ANKRD6: variants seen among roughly 807,000 people sequenced by gnomAD.
ANKRD6 encodes the protein ankyrin repeat domain 6.
Under a neutral mutation model 82.3 loss-of-function variants are expected in ANKRD6, and 56 were observed. The observed-to-expected ratio is 0.68, with a 90% CI of 0.55 to 0.85. ANKRD6 has a LOEUF of 0.85. Among genes scored for constraint, ANKRD6 ranks in the 40% least tolerant of loss-of-function variants. The pLI is 0.00. For synonymous variants in ANKRD6, 347 were observed against 352.1 expected (o/e 0.99, Z 0.16); for missense variants, 852 against 907.6 (o/e 0.94, Z 0.79).
intron 2 of ANKRD6, among the ~76,000 whole-genome samples, chr6:89,567,916 A>C (rs1340809723): frequency 1.3e-5 from 2 of 152,178 alleles, no homozygotes; most frequent in Non-Finnish European, 2.9e-5. Flanking sequence ...CCCCAGAAAG[A>C]GCTGTGAAGA....
At chr6:89,529,881 G>T (rs1344504302) in intron 1 of ANKRD6, among the ~76,000 whole-genome samples, 1 of 152,116 alleles carries the variant, frequency 6.6e-6, no homozygotes, top group African/African-American at 2.4e-5. Flanking sequence ...ATGTGGTGTG[G>T]TTCAGGGTAC....
intron 2 of ANKRD6, among the ~76,000 whole-genome samples, chr6:89,576,049 C>T (rs1791038535): frequency 6.6e-6 from 1 of 151,804 alleles, no homozygotes; most frequent in Non-Finnish European, 1.5e-5. Context: ...ATTTGCACAA[C>T]TTTCTTTCTT....
chr6:89,566,605 C>A (rs1292377990), intron 1 of ANKRD6, among the ~76,000 whole-genome samples: 2 of 152,210 alleles, frequency 1.3e-5, no homozygotes, highest in Admixed American at 1.3e-4. Flanking sequence ...CGGAGGATGT[C>A]CCTGATAGGG....
At chr6:89,625,492 G>A (rs1805336820) in intron 13 of ANKRD6, among the ~76,000 whole-genome samples, 2 of 152,012 alleles carry the variant, frequency 1.3e-5, no homozygotes, top group African/African-American at 4.8e-5. Context: ...TATAATCCCT[G>A]TAGTCAGCCA....
At chr6:89,622,072 A>C (rs1422102962) in intron 10 of ANKRD6, 46 bp downstream of exon 10, 11 of 1,558,346 alleles carry the variant, frequency 7.1e-6, no homozygotes, top group African/African-American at 6.8e-5. Context: ...CCATGCTCAG[A>C]GGGTGGGAAA....
chr6:89,587,732 T>C (rs796359307), intron 2 of ANKRD6, among the ~76,000 whole-genome samples: 2 of 152,230 alleles, frequency 1.3e-5, no homozygotes, highest in East Asian at 3.8e-4. Flanking sequence ...GAGATTGTTT[T>C]GGATCCTGAT....
intron 1 of ANKRD6, among the ~76,000 whole-genome samples, chr6:89,536,814 T>A (rs1391802778): frequency 6.6e-6 from 1 of 152,204 alleles, no homozygotes; most frequent in Non-Finnish European, 1.5e-5. Flanking sequence ...TTGCCTTCTT[T>A]TACCTTCATG....
At chr6:89,513,335 A>C (rs761949730) in intron 1 of ANKRD6, among the ~76,000 whole-genome samples, 2 of 152,218 alleles carry the variant, frequency 1.3e-5, no homozygotes, top group African/African-American at 2.4e-5. Context: ...CAAATCAGGA[A>C]ATTGAATACT....
chr6:89,560,834 A>G (rs1010742792), intron 1 of ANKRD6: 2 of 152,362 alleles, frequency 1.3e-5, no homozygotes, highest in African/African-American at 4.8e-5. Context: ...CCAAAAAAAA[A>G]GAAAAAAGAA....
At chr6:89,580,406 T>C (rs1177661683) in intron 2 of ANKRD6, among the ~76,000 whole-genome samples, 1 of 152,146 alleles carries the variant, frequency 6.6e-6, no homozygotes, top group African/African-American at 2.4e-5. Flanking sequence ...AAGAGTTCAA[T>C]TGTAGTAAAG....
At chr6:89,588,791 A>C (rs1794287447) in intron 2 of ANKRD6, among the ~76,000 whole-genome samples, 1 of 152,014 alleles carries the variant, frequency 6.6e-6, no homozygotes, top group Admixed American at 6.6e-5. Context: ...GGATCACCTG[A>C]GGTCAGGAGT....
intron 1 of ANKRD6, among the ~76,000 whole-genome samples, chr6:89,515,792 C>A (rs1781138925): frequency 6.6e-6 from 1 of 152,220 alleles, no homozygotes; most frequent in African/African-American, 2.4e-5. Context: ...AGGGTAGGAT[C>A]TGGAGAGAAG....
intron 1 of ANKRD6, among the ~76,000 whole-genome samples, chr6:89,438,891 C>T (rs1327518686): frequency 1.3e-5 from 2 of 152,212 alleles, no homozygotes; most frequent in Non-Finnish European, 2.9e-5. Context: ...GATCCGCCGG[C>T]CTCGGCCTCC....
intron 1 of ANKRD6, among the ~76,000 whole-genome samples, chr6:89,455,899 T>G (rs1227953465): frequency 6.6e-6 from 1 of 151,948 alleles, no homozygotes; most frequent in Non-Finnish European, 1.5e-5. Context: ...TTTTCTGAGA[T>G]GGAATCTTGC....
intron 4 of ANKRD6, among the ~76,000 whole-genome samples, chr6:89,603,644 T>A (rs532782994): frequency 6.6e-6 from 1 of 152,228 alleles, no homozygotes; most frequent in South Asian, 2.1e-4. Flanking sequence ...CTTTCTTAGA[T>A]AAGTGAGCAA....
At chr6:89,629,589 C>T (rs1563174893) in intron 15 of ANKRD6, 4 of 318,280 alleles carry the variant, frequency 1.3e-5, no homozygotes, top group Non-Finnish European at 2.4e-5. Flanking sequence ...CCTCCCTTGC[C>T]TTTTGTGCCT....
chr6:89,498,099 A>C (rs540757879), intron 1 of ANKRD6, among the ~76,000 whole-genome samples: 4 of 152,218 alleles, frequency 2.6e-5, no homozygotes, highest in Non-Finnish European at 5.9e-5. Flanking sequence ...AATTGTGGCA[A>C]ATTTCACAAT....
intron 1 of ANKRD6, among the ~76,000 whole-genome samples, chr6:89,520,363 G>A (rs1781747829): frequency 6.6e-6 from 1 of 152,208 alleles, no homozygotes; most frequent in Non-Finnish European, 1.5e-5. Flanking sequence ...TCATCAGGCA[G>A]TTACCTCCAT....
intron 13 of ANKRD6, among the ~76,000 whole-genome samples, chr6:89,625,736 A>AATT (rs1431807443): frequency 7.0e-6 from 1 of 143,800 alleles, no homozygotes; most frequent in Non-Finnish European, 1.5e-5. Flanking sequence ...ATTTGTTACA[A>AATT]CTTTTTTTTT....
Sources: gnomAD v4.1 joint callset for allele counts (sites outside exome capture counted in the v4.1 genomes callset) on GRCh38, gnomAD v4.1.1 for gene constraint, MANE v1.5 for transcripts, NCBI Gene and HGNC (gene_info 2026-07-23, HGNC 2026-07-21) for gene names.